Variants in BTBD9 observed in about 807,000 individuals in gnomAD.
BTBD9 encodes BTB/POZ domain-containing protein 9.
A neutral mutation model predicts 64.3 loss-of-function variants in BTBD9; 49 were observed. The observed-to-expected ratio is 0.76, with a 90% confidence interval of 0.61 to 0.97. The LOEUF is 0.97. Ranked by LOEUF, BTBD9 falls within the 50% of genes least tolerant of loss-of-function variation. The probability of loss-of-function intolerance (pLI) is 0.00; values close to 1 mark genes in which losing one functional copy is unlikely to be tolerated. For synonymous variants in BTBD9, 260 were observed against 274.7 expected (o/e 0.95, Z 0.53); for missense variants, 598 against 762.1 (o/e 0.78, Z 2.53).
intron 1 of BTBD9, among the ~76,000 whole-genome samples, chr6:38,614,321 T>C (rs1777719484): frequency 6.6e-6 from 1 of 152,168 alleles, no homozygotes; most frequent in Non-Finnish European, 1.5e-5. Flanking sequence ...TGTTGGTTAG[T>C]AAGCTCCCAG....
At chr6:38,545,851 C>CAT (rs1346234385) in intron 6 of BTBD9, among the ~76,000 whole-genome samples, 8 of 106,292 alleles carry the variant, frequency 7.5e-5, no homozygotes, top group African/African-American at 2.0e-4. Context: ...CACACACACA[C>CAT]ACATACACAC....
intron 2 of BTBD9, 66 bp from the exon 3 acceptor site, chr6:38,594,393 TAAC>T (rs1776950810): frequency 1.3e-6 from 2 of 1,494,534 alleles, no homozygotes; most frequent in African/African-American, 2.8e-5. Flanking sequence ...ATATTGGAAA[TAAC>T]AGTTATCAAC....
chr6:38,441,253 T>G (rs1302329265), intron 6 of BTBD9, among the ~76,000 whole-genome samples: 1 of 152,158 alleles, frequency 6.6e-6, no homozygotes, highest in Admixed American at 6.5e-5. Flanking sequence ...TAAGAATGTG[T>G]TCTCTTGGGT....
intron 6 of BTBD9, among the ~76,000 whole-genome samples, chr6:38,438,836 T>C (rs1277632354): frequency 2.0e-5 from 3 of 152,026 alleles, no homozygotes; most frequent in Non-Finnish European, 4.4e-5. Context: ...AGAAGGAAGA[T>C]GGGTGTTTGG....
intron 10 of BTBD9, among the ~76,000 whole-genome samples, chr6:38,192,042 C>T (rs10807192): frequency 0.37 from 56,077 of 152,104 alleles, 10,928 homozygotes; most frequent in Non-Finnish European, 0.44. Flanking sequence ...TGTTGCATTT[C>T]GACCCATCAT....
chr6:38,342,973 C>A (rs2127588866), intron 7 of BTBD9, among the ~76,000 whole-genome samples: 1 of 152,268 alleles, frequency 6.6e-6, no homozygotes, highest in Non-Finnish European at 1.5e-5. Flanking sequence ...TGAGGATGGT[C>A]CAAGGAGGGT....
chr6:38,312,082 A>G (rs967634414), intron 7 of BTBD9, among the ~76,000 whole-genome samples: 2 of 152,030 alleles, frequency 1.3e-5, no homozygotes, highest in Admixed American at 6.6e-5. Context: ...GCTGGTCTCA[A>G]ACTCCTGACT....
At chr6:38,412,884 C>T (rs1028180085) in intron 6 of BTBD9, among the ~76,000 whole-genome samples, 6 of 133,338 alleles carry the variant, frequency 4.5e-5, no homozygotes, top group African/African-American at 1.7e-4. Flanking sequence ...ACAACAACAA[C>T]AAAACAGTCG....
intron 6 of BTBD9, among the ~76,000 whole-genome samples, chr6:38,566,519 A>G (rs1257102715): frequency 6.6e-6 from 1 of 152,216 alleles, no homozygotes; most frequent in East Asian, 1.9e-4. Context: ...TGCAGCCATG[A>G]ATCACACTGA....
intron 6 of BTBD9, chr6:38,403,007 A>T: frequency 2.9e-6 from 1 of 349,132 alleles, no homozygotes; most frequent in Non-Finnish European, 5.5e-6. Context: ...TGGGACACAG[A>T]GGCTGCAGTG....
intron 6 of BTBD9, among the ~76,000 whole-genome samples, chr6:38,502,163 G>C (rs1029889142): frequency 6.6e-6 from 1 of 152,164 alleles, no homozygotes; most frequent in African/African-American, 2.4e-5. Flanking sequence ...ATGTTGGCTT[G>C]GGTGGCTGGG....
At chr6:38,621,515 A>T (rs1364299962) in intron 1 of BTBD9, among the ~76,000 whole-genome samples, 1 of 152,212 alleles carries the variant, frequency 6.6e-6, no homozygotes, top group Non-Finnish European at 1.5e-5. Context: ...ACAGTACCTG[A>T]AAGCAAGCCC....
chr6:38,418,033 G>C (rs1334972451), intron 6 of BTBD9, among the ~76,000 whole-genome samples: 1 of 149,570 alleles, frequency 6.7e-6, no homozygotes, highest in Non-Finnish European at 1.5e-5. Context: ...ATGTACCCTA[G>C]AATTCTTGCC....
chr6:38,624,296 C>T (rs1331825259), intron 1 of BTBD9, among the ~76,000 whole-genome samples: 1 of 152,188 alleles, frequency 6.6e-6, no homozygotes, highest in Admixed American at 6.5e-5. Context: ...CCAGCAGCTG[C>T]AACCTGCTCA....
At position 38,619,188 on chromosome 6, in the gene BTBD9, T is replaced by C. The variant is rs183643093; in HGVS notation, c.-28+20612A>G. Reference sequence around the variant, plus strand: ...AATTGATCCTAAAAGATAAGTTTATTACCCAGTCAGCCACGGATATCAGGA... The same window carrying C: ...AATTGATCCTAAAAGATAAGTTTATCACCCAGTCAGCCACGGATATCAGGA... On this transcript the variant is annotated intron_variant, in intron 1 of 10. Transcript: ENST00000481247. Among the ~76,000 whole-genome samples the C allele has an allele frequency of 1.2e-4, 18 of 152,280 alleles. 1 individual carries two copies. The East Asian group carries it at 3.5e-3, about 29-fold the overall frequency.
At chr6:38,226,037 C>T (rs944584364) in intron 9 of BTBD9, among the ~76,000 whole-genome samples, 9 of 152,208 alleles carry the variant, frequency 5.9e-5, no homozygotes, top group African/African-American at 2.2e-4. Flanking sequence ...TCCTAAGGCA[C>T]ACTAGTCTTT....
chr6:38,263,806 TA>T (rs1764874956), intron 8 of BTBD9, among the ~76,000 whole-genome samples: 1 of 152,194 alleles, frequency 6.6e-6, no homozygotes, highest in Admixed American at 6.5e-5. Flanking sequence ...TCTAATCACT[TA>T]AATAAAGTTA....
intron 7 of BTBD9, among the ~76,000 whole-genome samples, chr6:38,326,762 A>AG (rs1168565346): frequency 6.6e-6 from 1 of 151,814 alleles, no homozygotes; most frequent in Non-Finnish European, 1.5e-5. Flanking sequence ...CACTGCAAAA[A>AG]AAAAAAAAAA....
At chr6:38,492,116 A>G (rs1371084441) in intron 6 of BTBD9, among the ~76,000 whole-genome samples, 1 of 152,186 alleles carries the variant, frequency 6.6e-6, no homozygotes, top group East Asian at 1.9e-4. Context: ...GCCCACAGAA[A>G]CAGCCTAAAT....
Sources: allele counts gnomAD v4.1 joint callset (sites outside exome capture counted in the v4.1 genomes callset), GRCh38; gene constraint gnomAD v4.1.1; transcripts MANE v1.5; gene names NCBI Gene and HGNC (gene_info 2026-07-23, HGNC 2026-07-21).